CNTNAP5: variants seen among roughly 807,000 people sequenced by gnomAD.
CNTNAP5 encodes the protein contactin associated protein family member 5, also known as contactin-associated protein-like 5.
Under a neutral mutation model 150.2 loss-of-function variants are expected in CNTNAP5, and 72 were observed. The observed-to-expected ratio is 0.48, with a 90% CI of 0.40 to 0.58. The LOEUF is 0.58. Among genes scored for constraint, CNTNAP5 ranks in the 20% least tolerant of loss-of-function variants. The pLI is 0.00. For synonymous variants in CNTNAP5, 672 were observed against 619.8 expected, an observed-to-expected ratio of 1.08 and a Z score of -1.25; for missense variants, 1,636 against 1,626.2, an observed-to-expected ratio of 1.01 and a Z score of -0.10.
At position 124,916,686 on chromosome 2, in the gene CNTNAP5, TGAA is replaced by T. The variant is rs1448973494; in HGVS notation, c.*2402_*2404del. On this transcript the variant is annotated 3_prime_UTR_variant, in exon 24 of 24. Transcript: ENST00000682447. ...TATGCTTGTAGATTGTCCTGTAGGA[TGAA>T]GAATCTGTGAAGCTCTATCCTGACC... is the stretch of plus-strand genomic sequence containing the variant. 6.6e-6 allele frequency among the ~76,000 whole-genome samples: 1 copy of T among 152,072 alleles called. No individual in the cohort carries two copies. The highest frequency in any genetic ancestry group is 2.4e-5 in the African/African-American group (1 of 41,444).
chr2:124,901,553 A>G (rs981159058), intron 21 of CNTNAP5, among the ~76,000 whole-genome samples: 3 of 152,166 alleles, frequency 2.0e-5, no homozygotes, highest in African/African-American at 7.2e-5. Context: ...AAGGAAATAT[A>G]ATATTCCCCA....
rs1040149648 is a variant in CNTNAP5 at position 124,252,591 on chromosome 2, C to T, written c.381+10198C>T. Among the ~76,000 whole-genome samples, 9 of 152,136 alleles carry T rather than the reference C, an allele frequency of 5.9e-5. No homozygotes were observed. The South Asian group carries it at 1.9e-3, about 31-fold the overall frequency. On this transcript the variant is annotated intron_variant, in intron 3 of 23. Coordinates refer to ENST00000682447, the MANE Select transcript of CNTNAP5 (RefSeq NM_001367498.1). ...TGCTAATGATTCCTTCATACACTCC[C>T]CCCTCATTCCACGTAATGTGTTTGA... is the stretch of plus-strand genomic sequence containing the variant.
chr2:124,690,470 A>G (rs1210155732), intron 13 of CNTNAP5, among the ~76,000 whole-genome samples: 2 of 152,118 alleles, frequency 1.3e-5, no homozygotes, highest in African/African-American at 2.4e-5. Flanking sequence ...ATAGTCTTCT[A>G]TCAGATGTCC....
chr2:124,645,181 G>T (rs776346788), intron 12 of CNTNAP5, among the ~76,000 whole-genome samples: 4 of 152,078 alleles, frequency 2.6e-5, no homozygotes, highest in Non-Finnish European at 5.9e-5. Flanking sequence ...AAAGTTCTGG[G>T]TTAATTGTTT....
intron 19 of CNTNAP5, among the ~76,000 whole-genome samples, chr2:124,818,240 A>T (rs1682408694): frequency 1.3e-5 from 2 of 152,154 alleles, no homozygotes; most frequent in Admixed American, 1.3e-4. Context: ...TCCTCCTCCA[A>T]GCCCCACTGA....
chr2:124,431,034 A>G (rs1244415846), intron 4 of CNTNAP5, among the ~76,000 whole-genome samples: 1 of 152,198 alleles, frequency 6.6e-6, no homozygotes, highest in East Asian at 1.9e-4. Flanking sequence ...GCTCAAAGAA[A>G]TCAAGAAAGT....
intron 13 of CNTNAP5, among the ~76,000 whole-genome samples, chr2:124,653,079 T>A (rs1160541197): frequency 6.6e-6 from 1 of 152,150 alleles, no homozygotes; most frequent in African/African-American, 2.4e-5. Flanking sequence ...TCAGGAGCCC[T>A]AAGAATCCAG....
At position 124,789,974 on chromosome 2, in the gene CNTNAP5, A is replaced by G. The variant is rs1681687918; in HGVS notation, c.2825A>G (p.Asp942Gly). 6.2e-7 allele frequency: 1 copy of G among 1,613,824 alleles called. No homozygotes were observed. ...RSLHLNGQKM[D>G]LEERAKVTSG... ...TTACACTTGAATGGACAGAAAATGG[A>G]CCTGGAAGAGAGGGCAAAGGTCACA... The change falls in exon 18 of 24, where the codon GAC (aspartate) becomes GGC (glycine). Residue 942 changes from aspartate to glycine, a missense_variant. Asp to Gly is a moderately conservative substitution (Grantham distance 94). Coordinates refer to ENST00000682447, the MANE Select transcript of CNTNAP5 (RefSeq NM_001367498.1).
intron 1 of CNTNAP5, among the ~76,000 whole-genome samples, chr2:124,145,794 T>TAAAAAAAAAAAAAAAATAAAAA (rs759470861): frequency 6.8e-5 from 2 of 29,532 alleles, no homozygotes; most frequent in African/African-American, 1.1e-4. Flanking sequence ...TAAAGTATAA[T>TAAAAAAAAAAAAAAAATAAAAA]AAAAAAAAAA....
At position 124,915,936 on chromosome 2, in the gene CNTNAP5, G is replaced by A. The variant is rs1025410011; in HGVS notation, c.*1648G>A. ...ACTTGCTGATTCTCTTTATGAGGCA[G>A]ATTCAATTTAGAAAACAATGACCAC... On this transcript the variant is annotated 3_prime_UTR_variant, in exon 24 of 24. Coordinates refer to ENST00000682447, the MANE Select transcript of CNTNAP5 (RefSeq NM_001367498.1). Among the ~76,000 whole-genome samples the A allele has an allele frequency of 6.6e-6, 1 of 152,014 alleles. No individual in the cohort carries two copies. Among genetic ancestry groups the A allele is most frequent in the African/African-American group, 2.4e-5 (1 of 41,432 alleles).
intron 14 of CNTNAP5, among the ~76,000 whole-genome samples, chr2:124,748,648 C>T (rs1347256423): frequency 6.6e-6 from 1 of 152,124 alleles, no homozygotes; most frequent in East Asian, 1.9e-4. Flanking sequence ...CTGTTAACAG[C>T]AAGGACTATT....
chr2:124,765,033 G>T (rs1351313476), intron 16 of CNTNAP5, among the ~76,000 whole-genome samples: 4 of 151,856 alleles, frequency 2.6e-5, no homozygotes, highest in African/African-American at 9.7e-5. Context: ...ATCTTATATT[G>T]AGAAAATAAT....
At chr2:124,063,396 C>G (rs149490877) in intron 1 of CNTNAP5, among the ~76,000 whole-genome samples, 1 of 152,182 alleles carries the variant, frequency 6.6e-6, no homozygotes, top group East Asian at 1.9e-4. Flanking sequence ...AATTCTATGA[C>G]TTCAAATCCT....
intron 3 of CNTNAP5, among the ~76,000 whole-genome samples, chr2:124,312,131 C>A (rs989626493): frequency 6.6e-6 from 1 of 152,176 alleles, no homozygotes; most frequent in Non-Finnish European, 1.5e-5. Context: ...AGCCATAAAA[C>A]CAGCATTTCA....
At chr2:124,603,990 G>C (rs965279567) in intron 11 of CNTNAP5, among the ~76,000 whole-genome samples, 2 of 152,146 alleles carry the variant, frequency 1.3e-5, no homozygotes, top group Non-Finnish European at 2.9e-5. Context: ...TTTAGGCAAA[G>C]CAAGACATTC....
At chr2:124,620,632 T>C (rs1420943539) in intron 12 of CNTNAP5, among the ~76,000 whole-genome samples, 1 of 152,058 alleles carries the variant, frequency 6.6e-6, no homozygotes, top group Non-Finnish European at 1.5e-5. Context: ...ATAAATCATC[T>C]AACATTTCTA....
chr2:124,719,998 T>C (rs1406559605), intron 13 of CNTNAP5, among the ~76,000 whole-genome samples: 1 of 152,180 alleles, frequency 6.6e-6, no homozygotes, highest in African/African-American at 2.4e-5. Flanking sequence ...GTGGATAATC[T>C]GGCTACCAAG....
intron 11 of CNTNAP5, among the ~76,000 whole-genome samples, chr2:124,588,750 T>C (rs748629879): frequency 2.0e-5 from 3 of 152,200 alleles, no homozygotes; most frequent in Non-Finnish European, 4.4e-5. Context: ...CAACTGTTGC[T>C]ACGTTTTATC....
intron 13 of CNTNAP5, among the ~76,000 whole-genome samples, chr2:124,655,999 A>AAAGAAAGAAAGAAGGAAGGAAGGAAGG (rs1317556643): frequency 1.1e-5 from 1 of 90,634 alleles, no homozygotes; most frequent in Non-Finnish European, 2.3e-5. Context: ...AAGAAAGAAA[A>AAAGAAAGAAAGAAGGAAGGAAGGAAGG]AAGGAAGGAA....
Sources: gnomAD v4.1 joint callset for allele counts (sites outside exome capture counted in the v4.1 genomes callset) on GRCh38, gnomAD v4.1.1 for gene constraint, MANE v1.5 for transcripts, NCBI Gene and HGNC (gene_info 2026-07-23, HGNC 2026-07-21) for gene names.